RIC1: variants seen among roughly 807,000 people sequenced by gnomAD.
The protein encoded by RIC1 is guanine nucleotide exchange factor subunit RIC1.
In RIC1, 88 loss-of-function variants were observed where a neutral mutation model predicts 169.0. The ratio of observed to expected loss-of-function variants is 0.52; its 90% CI spans 0.44 to 0.62. The LOEUF (loss-of-function observed/expected upper bound fraction) is 0.62. Ranked by LOEUF, RIC1 falls within the 20% of genes least tolerant of loss-of-function variation. The pLI is 0.00. For missense variants in RIC1, 1,877 were observed against 1,725.5 expected (o/e 1.09, Z -1.56); for synonymous variants, 790 against 601.5 (o/e 1.31, Z -4.59).
chr9:5,698,141 G>A (rs1303971277), intron 3 of RIC1, among the ~76,000 whole-genome samples: 1 of 152,170 alleles, frequency 6.6e-6, no homozygotes, highest in Admixed American at 6.5e-5. Context: ...AAAGCATTTG[G>A]TATCTCCTGC....
intron 3 of RIC1, among the ~76,000 whole-genome samples, chr9:5,705,375 G>A (rs1454458066): frequency 6.6e-6 from 1 of 151,402 alleles, no homozygotes; most frequent in East Asian, 1.9e-4. Flanking sequence ...CTCATCCTTG[G>A]GTCAGTTTAT....
chr9:5,723,603 T>A (rs1004185458), intron 6 of RIC1, among the ~76,000 whole-genome samples: 23 of 152,222 alleles, frequency 1.5e-4, no homozygotes, highest in African/African-American at 5.1e-4. Flanking sequence ...TTGCCATTGC[T>A]TTTGGTGTTT....
intron 17 of RIC1, among the ~76,000 whole-genome samples, chr9:5,759,775 CTG>C (rs1826219004): frequency 6.6e-6 from 1 of 150,878 alleles, no homozygotes; most frequent in African/African-American, 2.4e-5. Flanking sequence ...TCTGACAAAA[CTG>C]AAAAAAAAAT....
chr9:5,737,877 T>G (rs1824821320), intron 7 of RIC1, among the ~76,000 whole-genome samples: 1 of 151,984 alleles, frequency 6.6e-6, no homozygotes, highest in Non-Finnish European at 1.5e-5. Context: ...ATAATGTACT[T>G]ACTATTGATT....
intron 1 of RIC1, among the ~76,000 whole-genome samples, chr9:5,655,972 C>G (rs1586889653): frequency 1.3e-5 from 2 of 152,012 alleles, no homozygotes; most frequent in East Asian, 3.9e-4. Flanking sequence ...CAGGTTCACG[C>G]TATTCTCCTG....
intron 17 of RIC1, among the ~76,000 whole-genome samples, chr9:5,758,959 G>A (rs1826176058): frequency 6.6e-6 from 1 of 151,670 alleles, no homozygotes; most frequent in Non-Finnish European, 1.5e-5. Context: ...TGGCCAGGAT[G>A]GTCTCAATCT....
chr9:5,708,143 C>G (rs1822704780), intron 3 of RIC1, among the ~76,000 whole-genome samples: 1 of 152,132 alleles, frequency 6.6e-6, no homozygotes, highest in Non-Finnish European at 1.5e-5. Flanking sequence ...GTAATACCAA[C>G]TTAGCTTCAA....
At chr9:5,633,450 A>G (rs367683447) in intron 1 of RIC1, among the ~76,000 whole-genome samples, 32 of 152,250 alleles carry the variant, frequency 2.1e-4, no homozygotes, top group African/African-American at 7.5e-4. Flanking sequence ...CTCTTGCCTC[A>G]TTTCTGCCTG....
chr9:5,717,608 G>T (rs1687669747), intron 4 of RIC1, among the ~76,000 whole-genome samples: 1 of 152,160 alleles, frequency 6.6e-6, no homozygotes, highest in South Asian at 2.1e-4. Context: ...ACACTGGGAG[G>T]CCGAGGCGGG....
At chr9:5,753,105 G>A (rs1825816282) in intron 12 of RIC1, 95 bp from the exon 13 acceptor site, 2 of 1,132,424 alleles carry the variant, frequency 1.8e-6, no homozygotes, top group Non-Finnish European at 2.7e-6. Flanking sequence ...CTTAAACATT[G>A]TTCGGCAAGA....
At chr9:5,769,782 T>A in intron 22 of RIC1, 1 of 285,708 alleles carries the variant, frequency 3.5e-6, no homozygotes, top group Non-Finnish European at 6.4e-6. Context: ...CTTTGGCATT[T>A]GGAAACTTCA....
At chr9:5,747,018 G>A (rs752443766) in intron 11 of RIC1, among the ~76,000 whole-genome samples, 2 of 152,148 alleles carry the variant, frequency 1.3e-5, no homozygotes, top group Non-Finnish European at 2.9e-5. Context: ...CAAGGGTAGG[G>A]TGCTACTTTG....
intron 2 of RIC1, among the ~76,000 whole-genome samples, chr9:5,687,799 T>C (rs929385571): frequency 6.6e-6 from 1 of 152,230 alleles, no homozygotes; most frequent in Non-Finnish European, 1.5e-5. Flanking sequence ...TTGAATTTAA[T>C]TAAATATTTT....
At position 5,773,972 on chromosome 9, in the gene RIC1, C is replaced by T. The variant is rs1827422261; in HGVS notation, c.3998C>T (p.Pro1333Leu). 6.2e-7 allele frequency: 1 copy of T among 1,604,074 alleles called. No individual in the cohort carries two copies. The highest frequency in any genetic ancestry group is 1.3e-5 in the African/African-American group (1 of 74,306). ...TCTCTACATAGTCCTGGATATAAGCCATTTTTAAACATCATTAAGCCACAA... is the reference window on the plus strand; with the variant it reads ...TCTCTACATAGTCCTGGATATAAGCTATTTTTAAACATCATTAAGCCACAA... ...WASTDCPGYK[P>L]FLNIIKPQLQ... Residue 1333 changes from proline to leucine, a missense_variant, in exon 26 of 26, where the codon CCA becomes CTA. Around this residue, in one of 3 missense-constraint regions of RIC1, gnomAD observed 681 missense variants for 582.0 expected, o/e 1.17. Coordinates refer to ENST00000414202, the MANE Select transcript of RIC1 (RefSeq NM_020829.4).
At chr9:5,686,034 C>T (rs1485878698) in intron 2 of RIC1, among the ~76,000 whole-genome samples, 2 of 151,956 alleles carry the variant, frequency 1.3e-5, no homozygotes, top group African/African-American at 2.4e-5. Context: ...AAATGCTCAT[C>T]ATCACTGGCC....
At chr9:5,724,299 G>A (rs1024588204) in intron 6 of RIC1, among the ~76,000 whole-genome samples, 2 of 152,126 alleles carry the variant, frequency 1.3e-5, no homozygotes, top group Admixed American at 6.6e-5. Flanking sequence ...GGATTCCTAG[G>A]TATTTTATTC....
At chr9:5,640,244 T>A (rs971692784) in intron 1 of RIC1, among the ~76,000 whole-genome samples, 1 of 152,210 alleles carries the variant, frequency 6.6e-6, no homozygotes, top group African/African-American at 2.4e-5. Context: ...GTTTTTTGAT[T>A]TGAGTTTACT....
chr9:5,649,043 G>A (rs1179112325), intron 1 of RIC1, among the ~76,000 whole-genome samples: 1 of 152,102 alleles, frequency 6.6e-6, no homozygotes, highest in East Asian at 1.9e-4. Context: ...GCTGAAGTGG[G>A]AGAATCATTT....
chr9:5,693,756 T>C (rs1168568221), intron 3 of RIC1, among the ~76,000 whole-genome samples: 1 of 152,168 alleles, frequency 6.6e-6, no homozygotes, highest in Non-Finnish European at 1.5e-5. Context: ...TCATGTTTAA[T>C]TTCAGCATAA....
Sources: gnomAD v4.1 joint callset for allele counts (sites outside exome capture counted in the v4.1 genomes callset) on GRCh38, gnomAD v4.1.1 for gene constraint, gnomAD v4.1.1 regional missense constraint, MANE v1.5 for transcripts, NCBI Gene and HGNC (gene_info 2026-07-23, HGNC 2026-07-21) for gene names.